DDX6: variants seen among roughly 807,000 people sequenced by gnomAD.
The protein encoded by DDX6 is DEAD-box helicase 6, also known as probable ATP-dependent RNA helicase DDX6.
In DDX6, 7 loss-of-function variants were observed where a neutral mutation model predicts 60.6. The ratio of observed to expected loss-of-function variants is 0.12; its 90% CI spans 0.07 to 0.22. DDX6 has a LOEUF of 0.22. Ranked by LOEUF, DDX6 falls within the 10% of genes least tolerant of loss-of-function variation. The pLI is 1.00. For synonymous variants in DDX6, 207 were observed against 201.0 expected (o/e 1.03, Z -0.25); for missense variants, 270 against 589.9 (o/e 0.46, Z 5.62).
At chr11:118,778,965 G>C (rs781850815) in intron 4 of DDX6, among the ~76,000 whole-genome samples, 13 of 151,942 alleles carry the variant, frequency 8.6e-5, no homozygotes, top group Non-Finnish European at 1.2e-4. Flanking sequence ...TAATCAGCCT[G>C]GATAACATAG....
chr11:118,756,684 T>A (rs1555159018), intron 10 of DDX6, among the ~76,000 whole-genome samples: 1 of 152,228 alleles, frequency 6.6e-6, no homozygotes, highest in African/African-American at 2.4e-5. Flanking sequence ...AGAGCAGTGC[T>A]GTCCAGTAAA....
chr11:118,789,961 G>A (rs1024707851), intron 1 of DDX6: 1 of 152,108 alleles, frequency 6.6e-6, no homozygotes. Flanking sequence ...AACAAGAAAC[G>A]TAGACTAGTT....
intron 4 of DDX6, among the ~76,000 whole-genome samples, chr11:118,771,852 A>G (rs2137493100): frequency 6.6e-6 from 1 of 152,372 alleles, no homozygotes; most frequent in South Asian, 2.1e-4. Context: ...GTGGGAATGT[A>G]CAGCTACGCT....
At chr11:118,787,120 G>C (rs1048027218) in intron 1 of DDX6, 2 of 152,096 alleles carry the variant, frequency 1.3e-5, no homozygotes, top group Admixed American at 6.6e-5. Flanking sequence ...GCGATCTCTT[G>C]AGGTCAGGAG....
intron 5 of DDX6, among the ~76,000 whole-genome samples, chr11:118,766,793 G>A (rs1329083450): frequency 6.6e-6 from 1 of 151,800 alleles, no homozygotes; most frequent in Admixed American, 6.6e-5. Flanking sequence ...TGGCCCAGCT[G>A]GTCTCAAACC....
chr11:118,779,162 A>AG (rs1555164165), intron 4 of DDX6, among the ~76,000 whole-genome samples: 1 of 151,312 alleles, frequency 6.6e-6, no homozygotes, highest in East Asian at 1.9e-4. Context: ...TTGCCAAAAA[A>AG]AAAAAAAAAA....
At chr11:118,780,997 T>C in intron 3 of DDX6, 124 bp downstream of exon 3, 1 of 620,438 alleles carries the variant, frequency 1.6e-6, no homozygotes, top group East Asian at 2.8e-5. Flanking sequence ...CTTACTGGGT[T>C]GGAGGAGGAG....
chr11:118,760,246 A>G (rs1204433305), intron 7 of DDX6, among the ~76,000 whole-genome samples: 4 of 150,462 alleles, frequency 2.7e-5, no homozygotes, highest in Admixed American at 2.0e-4. Context: ...CTTCTAGGGG[A>G]AAAAAAAAAT....
chr11:118,780,132 A>AT (rs1861844962), intron 3 of DDX6, among the ~76,000 whole-genome samples: 1 of 150,404 alleles, frequency 6.6e-6, no homozygotes, highest in African/African-American at 2.4e-5. Context: ...AAAAAAAAAA[A>AT]AAAAAAAAAG....
At chr11:118,760,443 C>T (rs782245125) in intron 7 of DDX6, among the ~76,000 whole-genome samples, 3 of 152,192 alleles carry the variant, frequency 2.0e-5, no homozygotes, top group Non-Finnish European at 4.4e-5. Flanking sequence ...GCTAGGACTA[C>T]AGGCACATAC....
In DDX6 at chr11:118,754,715, A is replaced by G; in HGVS notation, c.1449T>C (p.Pro483=). The G allele has an allele frequency of 6.2e-7, 1 of 1,604,840 alleles. No homozygotes were observed. Among genetic ancestry groups the G allele is most frequent in the Non-Finnish European group, 8.5e-7 (1 of 1,177,474 alleles). The change falls in exon 13 of 14, where the codon CCT becomes CCC. Residue 483 remains proline, a synonymous_variant. Coordinates refer to ENST00000534980, the MANE Select transcript of DDX6 (RefSeq NM_004397.6). ...CTGTCAGGGACGTACATGCTTGTTA[A>G]GGTTTCTCATCTTCTACAGGCTCGC... The part of the protein sequence containing the change: ...YHSEPVEDEK[P]
intron 4 of DDX6, among the ~76,000 whole-genome samples, chr11:118,775,080 C>T (rs961855309): frequency 5.3e-5 from 8 of 152,036 alleles, no homozygotes; most frequent in Non-Finnish European, 7.4e-5. Flanking sequence ...TTTGGGAGGC[C>T]GAGGAGAGTG....
At position 118,764,821 on chromosome 11, in the gene DDX6, T is replaced by TATACAC. The variant is rs143249039; in HGVS notation, c.646+387_646+388insGTGTAT. On this transcript the variant is annotated intron_variant, in intron 6 of 13. Coordinates refer to ENST00000534980, the MANE Select transcript of DDX6 (RefSeq NM_004397.6). ...TCCATCTCCAAAAAAAAAAAAAATA[T>TATACAC]ACACACACACACACACATTATATAT... is the stretch of plus-strand genomic sequence containing the variant. Among the ~76,000 whole-genome samples the TATACAC allele has an allele frequency of 7.2e-5, 10 of 139,000 alleles. No individual in the cohort carries two copies. In the South Asian group the frequency reaches 1.1e-3, roughly 15 times the overall value. 91.2% of individuals were successfully genotyped at this position (139,000 alleles called of 152,430 possible).
At chr11:118,761,192 C>T (rs1555160100) in intron 7 of DDX6, among the ~76,000 whole-genome samples, 1 of 152,120 alleles carries the variant, frequency 6.6e-6, no homozygotes, top group Non-Finnish European at 1.5e-5. Context: ...ATCTTGCCTC[C>T]TTCATTTCTC....
In DDX6 at chr11:118,757,152, G is replaced by A. The variant is rs1358323977; in HGVS notation, c.1110+19C>T. 2 of 1,227,784 alleles carry A rather than the reference G, an allele frequency of 1.6e-6. No homozygotes were observed. Among genetic ancestry groups the A allele is most frequent in the Non-Finnish European group, 2.3e-6 (2 of 885,776 alleles). 76.1% of individuals were successfully genotyped at this position (1,227,784 alleles called of 1,614,324 possible). On this transcript the variant is annotated intron_variant, in intron 10 of 13. Transcript: ENST00000534980. ...GAGATTTCTTATTAAATTTGTGCAA[G>A]TTCTAGTTTTATACTCACCTGCCTC...
At position 118,791,115 on chromosome 11, in the gene DDX6, C is replaced by G. The variant is rs1329247174; in HGVS notation, c.-285G>C. The G allele has an allele frequency of 1.3e-5, 2 of 152,128 alleles. No individual in the cohort carries two copies. Among genetic ancestry groups the G allele is most frequent in the African/African-American group, 2.4e-5 (1 of 41,364 alleles). 9.4% of individuals were successfully genotyped at this position (152,128 alleles called of 1,614,324 possible). On this transcript the variant is annotated 5_prime_UTR_variant, in exon 1 of 14. Coordinates refer to ENST00000534980, the MANE Select transcript of DDX6 (RefSeq NM_004397.6). Reference sequence around the variant, plus strand: ...AGCCCTACCTCCTCCGCTGCCCGCTCTCGTGGCGCCGCCGAAGTCGCCGCC... The same window carrying G: ...AGCCCTACCTCCTCCGCTGCCCGCTGTCGTGGCGCCGCCGAAGTCGCCGCC...
chr11:118,774,764 T>C (rs1024962449), intron 4 of DDX6, among the ~76,000 whole-genome samples: 9 of 151,866 alleles, frequency 5.9e-5, no homozygotes, highest in Non-Finnish European at 1.3e-4. Context: ...CTAAATTCCA[T>C]CTCAAACAAA....
chr11:118,766,174 C>A (rs960763607), intron 5 of DDX6, among the ~76,000 whole-genome samples: 39 of 151,992 alleles, frequency 2.6e-4, no homozygotes, highest in African/African-American at 8.9e-4. Context: ...TGCCTAGAAT[C>A]CCAGCACTTT....
At chr11:118,767,625 CCT>C (rs1861398852) in intron 5 of DDX6, 1 of 76,336 alleles carries the variant, frequency 1.3e-5, no homozygotes, top group South Asian at 4.2e-4. Context: ...ACCTCAGCCG[CCT>C]TTTTTTTTTT....
Sources: gnomAD v4.1 joint callset for allele counts (sites outside exome capture counted in the v4.1 genomes callset) on GRCh38, gnomAD v4.1.1 for gene constraint, MANE v1.5 for transcripts, NCBI Gene and HGNC (gene_info 2026-07-23, HGNC 2026-07-21) for gene names.